ARK2C: variants seen among roughly 807,000 people sequenced by gnomAD.
The protein encoded by ARK2C is arkadia (RNF111) C-terminal like ring finger ubiquitin ligase 2C.
chr18:46,376,916 C>A, the ARK2C span, among the ~76,000 whole-genome samples: 1 of 152,118 alleles, frequency 6.6e-6, no homozygotes, highest in African/African-American at 2.4e-5. Context: ...GATCTGCCCG[C>A]CTCGGCATCT....
the ARK2C span, among the ~76,000 whole-genome samples, chr18:46,379,793 T>A: frequency 3.3e-5 from 5 of 152,194 alleles, no homozygotes; most frequent in Admixed American, 6.5e-5. Context: ...ATACAAGGGA[T>A]CTGTTTCAGG....
the ARK2C span, among the ~76,000 whole-genome samples, chr18:46,417,918 C>T: frequency 6.6e-6 from 1 of 151,816 alleles, no homozygotes. Context: ...GTGGGAGAAT[C>T]GCTTGAACCT....
chr18:46,425,819 A>G, the ARK2C span, among the ~76,000 whole-genome samples: 2 of 151,982 alleles, frequency 1.3e-5, no homozygotes, highest in Non-Finnish European at 2.9e-5. Context: ...GGATGCTCTA[A>G]CAGAAGGCCA....
At chr18:46,364,874 C>T in the ARK2C span, among the ~76,000 whole-genome samples, 2 of 152,138 alleles carry the variant, frequency 1.3e-5, no homozygotes, top group African/African-American at 4.8e-5. Context: ...AGGCGGCTGA[C>T]TCTGGCCAGC....
At chr18:46,334,856 C>G in the ARK2C span, 1 of 180,458 alleles carries the variant, frequency 5.5e-6, no homozygotes, top group South Asian at 2.0e-4. This position sits in a 1 kb window ranked among gnomAD's most constrained non-coding sequence, Gnocchi z 4.4. Flanking sequence ...TAGCTGGGAC[C>G]TGGGTCTCTG....
At chr18:46,371,863 G>A in the ARK2C span, among the ~76,000 whole-genome samples, 93 of 152,300 alleles carry the variant, frequency 6.1e-4, no homozygotes, top group African/African-American at 2.2e-3. Context: ...CAGCATCCTC[G>A]CTGTTCAGAT....
At chr18:46,454,768 G>A in the ARK2C span, among the ~76,000 whole-genome samples, 1 of 152,152 alleles carries the variant, frequency 6.6e-6, no homozygotes, top group Non-Finnish European at 1.5e-5. Context: ...GGGACAGAAT[G>A]AGTAATTTTC....
the ARK2C span, among the ~76,000 whole-genome samples, chr18:46,372,367 C>G: frequency 3.3e-5 from 5 of 152,322 alleles, no homozygotes; most frequent in South Asian, 1.0e-3. Context: ...CACCATTGCT[C>G]AGCTGAGAGC....
At chr18:46,448,740 G>C in the ARK2C span, among the ~76,000 whole-genome samples, 4 of 152,184 alleles carry the variant, frequency 2.6e-5, no homozygotes, top group African/African-American at 9.7e-5. Flanking sequence ...CATGGGTCAG[G>C]CTGGCTTTGG....
chr18:46,433,127 AGGGTCAGTGTGGC>A, the ARK2C span: 472 of 1,336,782 alleles, frequency 3.5e-4, 5 homozygotes, highest in East Asian at 0.011. Flanking sequence ...GGTGGGCACA[AGGGTCAGTGTGGC>A]GGCCGCTCGT....
At chr18:46,407,859 G>A in the ARK2C span, among the ~76,000 whole-genome samples, 2 of 152,216 alleles carry the variant, frequency 1.3e-5, no homozygotes, top group African/African-American at 2.4e-5. Flanking sequence ...CATCACAAAT[G>A]TCACAAAGCT....
the ARK2C span, among the ~76,000 whole-genome samples, chr18:46,448,073 G>A: frequency 7.0e-6 from 1 of 142,762 alleles, no homozygotes; most frequent in Non-Finnish European, 1.5e-5. Flanking sequence ...CTGACTTTTC[G>A]GTGCCCTGGC....
At chr18:46,414,143 G>A in the ARK2C span, among the ~76,000 whole-genome samples, 1 of 152,212 alleles carries the variant, frequency 6.6e-6, no homozygotes, top group Non-Finnish European at 1.5e-5. Context: ...CATTTTGCAG[G>A]TCAGGAAGCT....
the ARK2C span, among the ~76,000 whole-genome samples, chr18:46,411,995 A>C: frequency 1.3e-5 from 2 of 152,198 alleles, no homozygotes; most frequent in Admixed American, 6.5e-5. Flanking sequence ...TCAGCAGAGT[A>C]ATTGGATCTG....
the ARK2C span, among the ~76,000 whole-genome samples, chr18:46,405,937 A>G: frequency 6.6e-6 from 1 of 151,994 alleles, no homozygotes; most frequent in Non-Finnish European, 1.5e-5. Context: ...GATTCTGCCT[A>G]GGCATGTGCA....
the ARK2C span, chr18:46,455,917 C>T: frequency 9.3e-7 from 1 of 1,080,908 alleles, no homozygotes. Flanking sequence ...TGAAAACCAC[C>T]AGCCACCAGC....
the ARK2C span, among the ~76,000 whole-genome samples, chr18:46,384,227 A>G: frequency 1.3e-5 from 2 of 151,606 alleles, no homozygotes; most frequent in African/African-American, 2.4e-5. Context: ...CTAGAATTCC[A>G]CTCTGGTTAT....
the ARK2C span, among the ~76,000 whole-genome samples, chr18:46,438,180 G>A: frequency 6.6e-6 from 1 of 152,260 alleles, no homozygotes. Context: ...TAACCCTGTG[G>A]CTTTAGGTCT....
At chr18:46,336,373 AC>A in the ARK2C span, 69 of 968,466 alleles carry the variant, frequency 7.1e-5, no homozygotes, top group South Asian at 2.4e-4. Context: ...CTTCTCCCTC[AC>A]CCCCCCCAAC....
Sources: gnomAD v4.1 joint callset for allele counts (sites outside exome capture counted in the v4.1 genomes callset) on GRCh38, gnomAD v4.1.1 for gene constraint, Gnocchi (gnomAD v3.1) non-coding constraint, MANE v1.5 for transcripts, NCBI Gene and HGNC (gene_info 2026-07-23, HGNC 2026-07-21) for gene names.